GRIN2A: variants seen among roughly 807,000 people sequenced by gnomAD.
GRIN2A encodes glutamate ionotropic receptor NMDA type subunit 2A.
In GRIN2A, 22 loss-of-function variants were observed where a neutral mutation model predicts 113.4. The observed-to-expected ratio is 0.19, with a 90% CI of 0.14 to 0.28. GRIN2A has a LOEUF of 0.28. GRIN2A is among the 10% of genes least tolerant of loss of function. GRIN2A has a pLI of 1.00. For synonymous variants in GRIN2A, 827 were observed against 738.4 expected (o/e 1.12, Z -1.94); for missense variants, 1,502 against 1,887.0 (o/e 0.80, Z 3.78).
intron 8 of GRIN2A, among the ~76,000 whole-genome samples, chr16:9,833,055 A>G (rs1341276132): frequency 6.6e-6 from 1 of 152,214 alleles, no homozygotes; most frequent in Non-Finnish European, 1.5e-5. Flanking sequence ...TACCATATCA[A>G]GTCATTTTTT....
At chr16:9,951,304 G>A (rs1020055904) in intron 2 of GRIN2A, among the ~76,000 whole-genome samples, 3 of 152,176 alleles carry the variant, frequency 2.0e-5, no homozygotes, top group Admixed American at 1.3e-4. Flanking sequence ...ACAATACAGA[G>A]CATCCTTTAA....
intron 4 of GRIN2A, among the ~76,000 whole-genome samples, chr16:9,881,476 G>A (rs1163772865): frequency 6.6e-6 from 1 of 152,202 alleles, no homozygotes. Flanking sequence ...TATAAAACAT[G>A]CAGATTCAGA....
At chr16:9,799,294 A>G (rs937027053) in intron 10 of GRIN2A, among the ~76,000 whole-genome samples, 4 of 152,188 alleles carry the variant, frequency 2.6e-5, no homozygotes, top group Admixed American at 2.0e-4. Context: ...AGAAATCTGA[A>G]CACAGACATG....
intron 2 of GRIN2A, among the ~76,000 whole-genome samples, chr16:9,977,513 T>C (rs1401602161): frequency 6.6e-6 from 1 of 152,220 alleles, no homozygotes; most frequent in Non-Finnish European, 1.5e-5. Context: ...AAGCCCTTTA[T>C]GTGTAGAAAT....
intron 2 of GRIN2A, among the ~76,000 whole-genome samples, chr16:10,089,889 AC>A (rs2048153713): frequency 1.3e-5 from 2 of 152,148 alleles, no homozygotes; most frequent in South Asian, 4.2e-4. Flanking sequence ...GGGAAATAAA[AC>A]CGATGAGGGG....
At chr16:10,066,072 C>A (rs1021557441) in intron 2 of GRIN2A, among the ~76,000 whole-genome samples, 1 of 152,224 alleles carries the variant, frequency 6.6e-6, no homozygotes, top group African/African-American at 2.4e-5. Context: ...GTCCATCTCA[C>A]CCCCAGCACA....
At chr16:10,002,949 C>G (rs1402903611) in intron 2 of GRIN2A, among the ~76,000 whole-genome samples, 3 of 152,102 alleles carry the variant, frequency 2.0e-5, no homozygotes, top group African/African-American at 7.2e-5. Flanking sequence ...TTATTCTTGT[C>G]GAAATTCATC....
At chr16:10,008,660 C>T (rs1347698625) in intron 2 of GRIN2A, among the ~76,000 whole-genome samples, 1 of 152,146 alleles carries the variant, frequency 6.6e-6, no homozygotes, top group Non-Finnish European at 1.5e-5. Context: ...GAGATCTGTG[C>T]AAGGATGTTC....
At chr16:10,041,686 T>A (rs959281507) in intron 2 of GRIN2A, among the ~76,000 whole-genome samples, 3 of 152,190 alleles carry the variant, frequency 2.0e-5, no homozygotes, top group African/African-American at 4.8e-5. Context: ...ATGTTCAGTG[T>A]CTGGTACAGA....
At chr16:10,118,559 G>T (rs1259871410) in intron 2 of GRIN2A, among the ~76,000 whole-genome samples, 1 of 152,128 alleles carries the variant, frequency 6.6e-6, no homozygotes, top group Non-Finnish European at 1.5e-5. Context: ...CAATCCTCTG[G>T]TAGGTAATTA....
At chr16:9,866,802 T>C (rs1390475087) in intron 4 of GRIN2A, among the ~76,000 whole-genome samples, 1 of 152,148 alleles carries the variant, frequency 6.6e-6, no homozygotes, top group Non-Finnish European at 1.5e-5. Flanking sequence ...TAGCCACCCA[T>C]TCCTATGGGT....
At chr16:9,897,906 C>T (rs2043838370) in intron 3 of GRIN2A, among the ~76,000 whole-genome samples, 1 of 152,096 alleles carries the variant, frequency 6.6e-6, no homozygotes, top group Non-Finnish European at 1.5e-5. Context: ...AGAGCTGGTG[C>T]TGAACATGTG....
intron 2 of GRIN2A, among the ~76,000 whole-genome samples, chr16:9,996,907 TA>T (rs1174045727): frequency 6.6e-6 from 1 of 152,158 alleles, no homozygotes; most frequent in Non-Finnish European, 1.5e-5. Context: ...GGTGTTTTTT[TA>T]AATCATAAAA....
intron 11 of GRIN2A, among the ~76,000 whole-genome samples, chr16:9,793,929 T>A (rs1382826600): frequency 9.2e-5 from 14 of 152,240 alleles, no homozygotes; most frequent in Admixed American, 9.2e-4. Context: ...TTTGTCAGCC[T>A]ACTGGACTGT....
At chr16:9,981,540 T>C (rs553986626) in intron 2 of GRIN2A, among the ~76,000 whole-genome samples, 2 of 152,208 alleles carry the variant, frequency 1.3e-5, no homozygotes, top group African/African-American at 4.8e-5. Context: ...ATGCATTATT[T>C]TGAAGTGAAC....
At chr16:9,787,687 A>T (rs1045232150) in intron 11 of GRIN2A, among the ~76,000 whole-genome samples, 1 of 152,228 alleles carries the variant, frequency 6.6e-6, no homozygotes, top group East Asian at 1.9e-4. Flanking sequence ...ACATGTAGTT[A>T]TCCTTCTCGT....
chr16:9,762,642 C>G lies in GRIN2A; in HGVS notation c.*507G>C, dbSNP rs1049431139. The G allele has an allele frequency of 1.2e-5, 3 of 247,166 alleles. No individual in the cohort carries two copies. The Admixed American group carries it at 1.5e-4, about 12-fold the overall frequency. The allele number at this position is 247,166 out of a possible 1,614,324, so 15.3% of individuals were successfully genotyped here. A position where few individuals can be genotyped will look rare whatever the true frequency, so the allele number is the denominator to read the frequency against. ...ACTGTTACGAGCCAAACTTCCTAAT[C>G]TCTTGCACATGTCAATCGCACTACA... On this transcript the variant is annotated 3_prime_UTR_variant, in exon 13 of 13. Coordinates refer to ENST00000330684, the MANE Select transcript of GRIN2A (RefSeq NM_001134407.3).
chr16:9,854,865 G>A (rs2042941501), intron 4 of GRIN2A, among the ~76,000 whole-genome samples: 1 of 152,130 alleles, frequency 6.6e-6, no homozygotes, highest in African/African-American at 2.4e-5. Context: ...ATGCATCAGA[G>A]CAAGTGAAAT....
At chr16:10,168,742 G>A (rs1258891857) in intron 2 of GRIN2A, among the ~76,000 whole-genome samples, 1 of 152,114 alleles carries the variant, frequency 6.6e-6, no homozygotes, top group East Asian at 1.9e-4. Context: ...AAAGCGGGTG[G>A]ATCACCTGAG....
Sources: allele counts gnomAD v4.1 joint callset (sites outside exome capture counted in the v4.1 genomes callset), GRCh38; gene constraint gnomAD v4.1.1; transcripts MANE v1.5; gene names NCBI Gene and HGNC (gene_info 2026-07-23, HGNC 2026-07-21).